The following KIF5C variants were observed in gnomAD, a reference collection of about 807,000 sequenced individuals.
KIF5C encodes the protein kinesin family member 5C.
In KIF5C, 18 loss-of-function variants were observed where a neutral mutation model predicts 125.2. That is an observed-to-expected ratio of 0.14 (90% confidence interval 0.10 to 0.21). The LOEUF is 0.21. Ranked by LOEUF, KIF5C falls within the 10% of genes least tolerant of loss-of-function variation. The probability of loss-of-function intolerance (pLI) is 1.00; values close to 1 mark genes in which losing one functional copy is unlikely to be tolerated. For synonymous variants in KIF5C, 405 were observed against 434.0 expected, an observed-to-expected ratio of 0.93 and a Z score of 0.83; for missense variants, 780 against 1,183.8, an observed-to-expected ratio of 0.66 and a Z score of 5.01.
chr2:149,016,332 G>T (rs1353815507), intron 25 of KIF5C, among the ~76,000 whole-genome samples: 2 of 151,260 alleles, frequency 1.3e-5, no homozygotes, highest in Non-Finnish European at 2.9e-5. Context: ...CCCTGAAGAA[G>T]GGGTAGGAAT....
chr2:148,875,886 C>A (rs1044269868), intron 1 of KIF5C, 143 bp downstream of exon 1: 8 of 1,221,260 alleles, frequency 6.6e-6, no homozygotes, highest in East Asian at 3.1e-5. Flanking sequence ...GACCAGAGAC[C>A]CCTCGCCCCG....
At chr2:149,002,582 T>G (rs1681882573) in intron 21 of KIF5C, among the ~76,000 whole-genome samples, 1 of 152,162 alleles carries the variant, frequency 6.6e-6, no homozygotes, top group Non-Finnish European at 1.5e-5. Context: ...CACTCGCACA[T>G]TCACACAATC....
At chr2:148,976,512 C>T (rs928639880) in intron 12 of KIF5C, among the ~76,000 whole-genome samples, 3 of 152,052 alleles carry the variant, frequency 2.0e-5, no homozygotes, top group Non-Finnish European at 4.4e-5. Context: ...TCGTGATCCA[C>T]CTGCCTCGGC....
chr2:148,911,879 G>A lies in KIF5C; in HGVS notation c.127-10258G>A, dbSNP rs190857228. 3.0e-3 allele frequency among the ~76,000 whole-genome samples: 456 copies of A among 152,216 alleles called. 4 individuals carry two copies. The highest frequency in any genetic ancestry group is 5.2e-3 in the Non-Finnish European group (351 of 68,022). On this transcript the variant is annotated intron_variant, in intron 1 of 25. Coordinates refer to ENST00000435030, the MANE Select transcript of KIF5C (RefSeq NM_004522.3). ...ACTATTATCTGCTGGCCCATCCTAGGCTAGTTGTGAAGGAAATGACATTTG... is the reference window on the plus strand; with the variant it reads ...ACTATTATCTGCTGGCCCATCCTAGACTAGTTGTGAAGGAAATGACATTTG...
Position 148,922,611 on chromosome 2 carries a change from G to A in KIF5C, c.217+384G>A, listed in dbSNP as rs78855771. ...CCTGATGCTCCAGTTGTACATCTTTGGTTGATTTATTCTGTGTGTCTGTCT... is the reference window on the plus strand; with the variant it reads ...CCTGATGCTCCAGTTGTACATCTTTAGTTGATTTATTCTGTGTGTCTGTCT... On this transcript the variant is annotated intron_variant, in intron 2 of 25. Transcript: ENST00000435030. Among the ~76,000 whole-genome samples, 88 of 152,240 alleles carry A rather than the reference G, an allele frequency of 5.8e-4. 2 individuals are homozygous for A. In the East Asian group the frequency reaches 0.016, roughly 28 times the overall value.
intron 11 of KIF5C, among the ~76,000 whole-genome samples, chr2:148,965,744 T>G (rs1048677773): frequency 6.6e-6 from 1 of 152,186 alleles, no homozygotes; most frequent in African/African-American, 2.4e-5. Context: ...CGTCCCCAAG[T>G]GGATCAGTCT....
chr2:148,969,219 C>T (rs997815195), intron 11 of KIF5C, among the ~76,000 whole-genome samples: 3 of 151,918 alleles, frequency 2.0e-5, no homozygotes, highest in East Asian at 1.9e-4. Context: ...CATCTGTTGC[C>T]GTTGATGGAT....
chr2:149,001,626 A>C (rs911509758), intron 21 of KIF5C, among the ~76,000 whole-genome samples: 3 of 152,188 alleles, frequency 2.0e-5, no homozygotes, highest in African/African-American at 7.2e-5. Flanking sequence ...GTTTGTTGGC[A>C]TCATCTCCTC....
chr2:148,917,493 A>G (rs1681603901), intron 1 of KIF5C, among the ~76,000 whole-genome samples: 1 of 152,240 alleles, frequency 6.6e-6, no homozygotes, highest in South Asian at 2.1e-4. Context: ...AATGGGGATA[A>G]TAATACCTAG....
At chr2:148,917,905 ATAAT>A (rs1009079995) in intron 1 of KIF5C, among the ~76,000 whole-genome samples, 13 of 152,184 alleles carry the variant, frequency 8.5e-5, no homozygotes, top group Non-Finnish European at 1.6e-4. Flanking sequence ...CTTCTTGGGG[ATAAT>A]TAATTTCACT....
chr2:148,884,150 T>A (rs1681449373), intron 1 of KIF5C: 2 of 152,230 alleles, frequency 1.3e-5, no homozygotes, highest in South Asian at 4.1e-4. Flanking sequence ...TTCAGACTTT[T>A]AATGTAAACC....
At chr2:149,000,553 T>A in intron 20 of KIF5C, 29 bp downstream of exon 20, 1 of 1,546,490 alleles carries the variant, frequency 6.5e-7, no homozygotes, top group Non-Finnish European at 8.8e-7. Context: ...TTTCCTCTAT[T>A]TTCTCTCATC....
intron 1 of KIF5C, among the ~76,000 whole-genome samples, chr2:148,884,862 A>G (rs1043518512): frequency 1.3e-5 from 2 of 152,154 alleles, no homozygotes; most frequent in Non-Finnish European, 2.9e-5. Flanking sequence ...TTGCCATGAT[A>G]GACTTGTCTA....
At chr2:148,958,983 CA>C (rs34226043) in intron 10 of KIF5C, among the ~76,000 whole-genome samples, 83 of 137,356 alleles carry the variant, frequency 6.0e-4, no homozygotes, top group East Asian at 1.0e-3. Context: ...GACTCTGTCT[CA>C]AAAAAAAAAA....
rs755970217 is a variant in KIF5C, at chr2:148,922,122, G to A, written c.127-15G>A. ...TTTTTTCCACCTTTTTCTTCCCTTT[G>A]TCTTTCTTTTTTAGCAAGGGAAGCC... On this transcript the variant is annotated splice_polypyrimidine_tract_variant and intron_variant, in intron 1 of 25. Coordinates refer to ENST00000435030, the MANE Select transcript of KIF5C (RefSeq NM_004522.3). 33 of 1,561,240 alleles carry A rather than the reference G, an allele frequency of 2.1e-5. No homozygotes were observed. The Admixed American group carries it at 5.7e-4, about 27-fold the overall frequency.
At chr2:148,934,366 C>T (rs575206697) in intron 3 of KIF5C, among the ~76,000 whole-genome samples, 195 of 151,554 alleles carry the variant, frequency 1.3e-3, no homozygotes, top group Non-Finnish European at 2.3e-3. Context: ...GCATACCACA[C>T]ACTATATACC....
chr2:148,983,268 C>T (rs947758670), intron 14 of KIF5C, among the ~76,000 whole-genome samples: 2 of 152,132 alleles, frequency 1.3e-5, no homozygotes, highest in African/African-American at 2.4e-5. Flanking sequence ...AGTTTAGACC[C>T]TGAAATGAAA....
intron 16 of KIF5C, among the ~76,000 whole-genome samples, chr2:148,991,877 A>G (rs1422688130): frequency 1.3e-5 from 2 of 152,146 alleles, no homozygotes; most frequent in East Asian, 1.9e-4. Flanking sequence ...TCTTCTTCCT[A>G]TTGGAGTGGC....
chr2:148,983,044 G>A (rs1019844071), intron 14 of KIF5C, among the ~76,000 whole-genome samples: 3 of 152,228 alleles, frequency 2.0e-5, no homozygotes, highest in East Asian at 1.9e-4. Context: ...ACTATTGAAC[G>A]TAACCTAATT....
Sources: gnomAD v4.1 joint callset for allele counts (sites outside exome capture counted in the v4.1 genomes callset) on GRCh38, gnomAD v4.1.1 for gene constraint, MANE v1.5 for transcripts, NCBI Gene and HGNC (gene_info 2026-07-23, HGNC 2026-07-21) for gene names.